The following DNAJC10 variants were observed in gnomAD, a reference collection of about 807,000 sequenced individuals.
DNAJC10 encodes endoplasmic reticulum disulfide reductase DNAJC10.
A neutral mutation model predicts 115.0 loss-of-function variants in DNAJC10; 101 were observed. That is an observed-to-expected ratio of 0.88 (90% CI 0.75 to 1.04). The LOEUF is 1.04. Among genes scored for constraint, DNAJC10 ranks in the 50% least tolerant of loss-of-function variants. The probability of loss-of-function intolerance (pLI) is 0.00; values close to 1 mark genes in which losing one functional copy is unlikely to be tolerated. For missense variants in DNAJC10, 981 were observed against 928.8 expected (o/e 1.06, Z -0.73); for synonymous variants, 307 against 301.5 (o/e 1.02, Z -0.19).
At chr2:182,753,580 T>TG (rs1694080647) in intron 16 of DNAJC10, among the ~76,000 whole-genome samples, 2 of 22,622 alleles carry the variant, frequency 8.8e-5, no homozygotes, top group African/African-American at 4.3e-4. Flanking sequence ...TTTAGTTTAG[T>TG]TTTTTTTTTT....
At chr2:182,740,734 C>T (rs906114696) in intron 12 of DNAJC10, among the ~76,000 whole-genome samples, 2 of 152,094 alleles carry the variant, frequency 1.3e-5, no homozygotes, top group Non-Finnish European at 2.9e-5. Flanking sequence ...AAGAAGTATT[C>T]AGTTTATGGA....
In DNAJC10 at chr2:182,728,848, C is replaced by A; in HGVS notation, c.502-15C>A. On this transcript the variant is annotated splice_polypyrimidine_tract_variant and intron_variant, in intron 6 of 23. Transcript: ENST00000264065. ...TGGTCTTATCAGAGAAATATGTTTT[C>A]TTTTTCTGTCATAGTGGAGAGACTT... is the stretch of plus-strand genomic sequence containing the variant. 6.2e-7 allele frequency: 1 copy of A among 1,613,504 alleles called. No individual in the cohort carries two copies. Among genetic ancestry groups the A allele is most frequent in the Non-Finnish European group, 8.5e-7 (1 of 1,179,768 alleles).
In DNAJC10 at chr2:182,794,383, T is replaced by G. The variant is rs1695106197; in HGVS notation, c.*17251T>G. The G allele has an allele frequency of 6.6e-6, 1 of 152,206 alleles. No individual in the cohort carries two copies. The highest frequency in any genetic ancestry group is 1.5e-5 in the Non-Finnish European group (1 of 68,040). The allele number at this position is 152,206 out of a possible 1,614,324, so 9.4% of individuals were successfully genotyped here. A position where few individuals can be genotyped will look rare whatever the true frequency, so the allele number is the denominator to read the frequency against. On this transcript the variant is annotated 3_prime_UTR_variant, in exon 24 of 24. Coordinates refer to ENST00000264065, the MANE Select transcript of DNAJC10 (RefSeq NM_018981.4). ...AGAGTAAGAAATGTCATTCTAGATT[T>G]GATTCTACTGTTTGTCTTTGCAGTG...
rs1015490464 is a variant in DNAJC10 at position 182,782,528 on chromosome 2, A to G, written c.*5396A>G. Reference sequence around the variant, plus strand: ...CTTTGGGCAGTATGACTATTTCACAATATTAATTCTTCCTATCCATGAGCA... The same window carrying G: ...CTTTGGGCAGTATGACTATTTCACAGTATTAATTCTTCCTATCCATGAGCA... On this transcript the variant is annotated 3_prime_UTR_variant, in exon 24 of 24. Coordinates refer to ENST00000264065, the MANE Select transcript of DNAJC10 (RefSeq NM_018981.4). 3 of 139,230 alleles carry G rather than the reference A, an allele frequency of 2.2e-5. No individual in the cohort carries two copies. Among genetic ancestry groups the G allele is most frequent in the Non-Finnish European group, 4.4e-5 (3 of 67,870 alleles). The allele number at this position is 139,230 out of a possible 1,614,324, so 8.6% of individuals were successfully genotyped here. A position where few individuals can be genotyped will look rare whatever the true frequency, so the allele number is the denominator to read the frequency against.
At position 182,786,483 on chromosome 2, in the gene DNAJC10, T is replaced by A. The variant is rs1163367369; in HGVS notation, c.*9351T>A. Reference sequence around the variant, plus strand: ...TTGACTAGAGATTGTCTAGTCAAACTAGACTGATGAGGTCTCACCATTTTC... The same window carrying A: ...TTGACTAGAGATTGTCTAGTCAAACAAGACTGATGAGGTCTCACCATTTTC... On this transcript the variant is annotated 3_prime_UTR_variant, in exon 24 of 24. Coordinates refer to ENST00000264065, the MANE Select transcript of DNAJC10 (RefSeq NM_018981.4). The A allele has an allele frequency of 6.6e-6, 1 of 152,196 alleles. No individual in the cohort carries two copies. The highest frequency in any genetic ancestry group is 2.4e-5 in the African/African-American group (1 of 41,442). The allele number at this position is 152,196 out of a possible 1,614,324, so 9.4% of individuals were successfully genotyped here.
intron 11 of DNAJC10, among the ~76,000 whole-genome samples, chr2:182,738,036 A>G (rs1693630900): frequency 1.3e-5 from 2 of 152,202 alleles, no homozygotes. Context: ...AAAAATGTAC[A>G]TTTTATATGC....
At chr2:182,754,925 A>G in intron 16 of DNAJC10, 78 bp from the exon 17 acceptor site, 1 of 1,336,792 alleles carries the variant, frequency 7.5e-7, no homozygotes, top group Non-Finnish European at 1.0e-6. Context: ...CTTGTTACTT[A>G]AAGGCAAACT....
At chr2:182,716,769 ACCCCTCT>A (rs924133011) in intron 1 of DNAJC10, among the ~76,000 whole-genome samples, 15 of 151,152 alleles carry the variant, frequency 9.9e-5, no homozygotes, top group Non-Finnish European at 1.6e-4. Flanking sequence ...CTTCATCTTT[ACCCCTCT>A]CCCCTCTCCC....
intron 7 of DNAJC10, among the ~76,000 whole-genome samples, chr2:182,729,274 G>A (rs1221237497): frequency 3.3e-5 from 5 of 151,706 alleles, no homozygotes; most frequent in Admixed American, 6.6e-5. Flanking sequence ...TCAGCCTCCC[G>A]AGTAGCTGGG....
rs1695055873 is a variant in DNAJC10 at position 182,791,830 on chromosome 2, T to TACTAA, written c.*14699_*14700insCTAAA. 2 of 152,186 alleles carry TACTAA rather than the reference T, an allele frequency of 1.3e-5. No individual in the cohort carries two copies. Among genetic ancestry groups the TACTAA allele is most frequent in the African/African-American group, 4.8e-5 (2 of 41,456 alleles). The allele number at this position is 152,186 out of a possible 1,614,324, so 9.4% of individuals were successfully genotyped here. On this transcript the variant is annotated 3_prime_UTR_variant, in exon 24 of 24. Transcript: ENST00000264065. ...GCAGTTATCGTTTAATTAATTGCAA[T>TACTAA]ATGGAAATAGATACTAAAAAATCTA...
intron 18 of DNAJC10, 122 bp downstream of exon 18, chr2:182,756,591 T>G: frequency 1.1e-6 from 1 of 921,232 alleles, no homozygotes; most frequent in Non-Finnish European, 1.6e-6. Context: ...ACAGTACTGA[T>G]CATACCACTT....
Position 182,732,538 on chromosome 2 carries a change from T to C in DNAJC10, c.845T>C (p.Met282Thr), listed in dbSNP as rs1247922024. The change falls in exon 10 of 24, where the codon ATG becomes ACG. Residue 282 changes from methionine (M) to threonine (T), a missense_variant. Transcript: ENST00000264065. ...TSQTRLRLSG[M>T]LDGLVNVGWM... is the part of the protein sequence containing the mutation. ...CAGACACGACTCAGGCTTAGTGGCA[T>C]GTTGGTAAGCATCAATCATTTTGTA... 6.2e-7 allele frequency: 1 copy of C among 1,613,350 alleles called. No homozygotes were observed. The highest frequency in any genetic ancestry group is 1.1e-5 in the South Asian group (1 of 91,026).
chr2:182,752,242 T>C (rs1694042038), intron 16 of DNAJC10, 54 bp downstream of exon 16: 1 of 945,626 alleles, frequency 1.1e-6, no homozygotes, highest in African/African-American at 1.7e-5. Flanking sequence ...TGAAGACCTT[T>C]TGGCTGTTTA....
chr2:182,793,037 G>C lies in DNAJC10; in HGVS notation c.*15905G>C. The stretch of plus-strand genomic sequence containing the variant: ...GTGGGGGCAGCAGCAGGAGAGTTTC[G>C]GTATTAAATAGGGTGGACAGGGCAG... On this transcript the variant is annotated 3_prime_UTR_variant, in exon 24 of 24. Coordinates refer to ENST00000264065, the MANE Select transcript of DNAJC10 (RefSeq NM_018981.4). 6.6e-6 allele frequency: 1 copy of C among 152,236 alleles called. No individual in the cohort carries two copies. The highest frequency in any genetic ancestry group is 2.1e-4 in the South Asian group (1 of 4,834). 9.4% of individuals were successfully genotyped at this position (152,236 alleles called of 1,614,324 possible).
Position 182,728,653 on chromosome 2 carries a change from C to G in DNAJC10, c.496C>G (p.Pro166Ala). 4 of 1,610,736 alleles carry G rather than the reference C, an allele frequency of 2.5e-6. No homozygotes were observed. In the South Asian group the frequency reaches 4.4e-5, roughly 18 times the overall value. Reference protein sequence around the residue: ...PGCSHCHDLAPTWRDFAKEVD... With the variant: ...PGCSHCHDLAATWRDFAKEVD... The stretch of plus-strand genomic sequence containing the variant: ...CTGTTCACACTGCCATGATTTAGCT[C>G]CCACAGTATGTATTTTTCACATCCT... The change falls in exon 6 of 24, where the codon CCC (proline) becomes GCC (alanine). Residue 166 changes from proline (P) to alanine (A), a missense_variant. Coordinates refer to ENST00000264065, the MANE Select transcript of DNAJC10 (RefSeq NM_018981.4).
In DNAJC10 at chr2:182,784,603, T is replaced by C. The variant is rs1694913886; in HGVS notation, c.*7471T>C. Reference sequence around the variant, plus strand: ...GATAAGAATTTCTGACTAGAAATTATAAATTCATTGTTTTATGCCTTAAAA... The same window carrying C: ...GATAAGAATTTCTGACTAGAAATTACAAATTCATTGTTTTATGCCTTAAAA... On this transcript the variant is annotated 3_prime_UTR_variant, in exon 24 of 24. Coordinates refer to ENST00000264065, the MANE Select transcript of DNAJC10 (RefSeq NM_018981.4). 6.6e-6 allele frequency: 1 copy of C among 152,230 alleles called. No individual in the cohort carries two copies. Among genetic ancestry groups the C allele is most frequent in the South Asian group, 2.1e-4 (1 of 4,836 alleles). The allele number at this position is 152,230 out of a possible 1,614,324, so 9.4% of individuals were successfully genotyped here.
At position 182,780,390 on chromosome 2, in the gene DNAJC10, T is replaced by A. The variant is rs1694818141; in HGVS notation, c.*3258T>A. 1 of 152,220 alleles carries A rather than the reference T, an allele frequency of 6.6e-6. No homozygotes were observed. Among genetic ancestry groups the A allele is most frequent in the African/African-American group, 2.4e-5 (1 of 41,426 alleles). The allele number at this position is 152,220 out of a possible 1,614,324, so 9.4% of individuals were successfully genotyped here. On this transcript the variant is annotated 3_prime_UTR_variant, in exon 24 of 24. Transcript: ENST00000264065. ...CACCTCCTCTCTTTCTCGCTCCTTCTCTGTGTGACATGCCTTCTCCCCCCG... is the reference window on the plus strand; with the variant it reads ...CACCTCCTCTCTTTCTCGCTCCTTCACTGTGTGACATGCCTTCTCCCCCCG...
At chr2:182,717,674 C>T (rs1693030198) in intron 2 of DNAJC10, among the ~76,000 whole-genome samples, 1 of 152,174 alleles carries the variant, frequency 6.6e-6, no homozygotes, top group Admixed American at 6.5e-5. Flanking sequence ...TTCTGATGCT[C>T]GTCAGAGGTC....
rs1694231270 is a variant in DNAJC10 at position 182,759,205 on chromosome 2, T to TG, written c.2044dup (p.Glu682GlyfsTer13). 6.2e-7 allele frequency: 1 copy of TG among 1,608,180 alleles called. No individual in the cohort carries two copies. Among genetic ancestry groups the TG allele is most frequent in the Non-Finnish European group, 8.5e-7 (1 of 1,178,616 alleles). ...CAGATCTAACACCTCAGACTTTCAG[T>TG]GAAAAAGTTCTACAAGGGAAAAATC... On this transcript the variant is annotated frameshift_variant, in exon 21 of 24. Transcript: ENST00000264065. LOFTEE classifies it high-confidence loss of function.
Sources: gnomAD v4.1 joint callset for allele counts (sites outside exome capture counted in the v4.1 genomes callset) on GRCh38, gnomAD v4.1.1 for gene constraint, MANE v1.5 for transcripts, NCBI Gene and HGNC (gene_info 2026-07-23, HGNC 2026-07-21) for gene names.